DCAF6: variants seen among roughly 807,000 people sequenced by gnomAD.
The protein encoded by DCAF6 is DDB1 and CUL4 associated factor 6.
Under a neutral mutation model 125.1 loss-of-function variants are expected in DCAF6, and 54 were observed. The observed-to-expected ratio is 0.43, with a 90% CI of 0.35 to 0.54. DCAF6 has a LOEUF of 0.54. Ranked by LOEUF, DCAF6 falls within the 20% of genes least tolerant of loss-of-function variation. The pLI is 0.01. For synonymous variants in DCAF6, 371 were observed against 390.4 expected (o/e 0.95, Z 0.58); for missense variants, 934 against 1,161.7 (o/e 0.80, Z 2.85).
chr1:167,883,641 G>A, the DCAF6 span: 14 of 1,613,974 alleles, frequency 8.7e-6, no homozygotes, highest in South Asian at 1.5e-4. Flanking sequence ...GCAAAGTAGA[G>A]AGCAGCTTTC....
At chr1:167,869,796 G>A in the DCAF6 span, among the ~76,000 whole-genome samples, 3 of 151,922 alleles carry the variant, frequency 2.0e-5, no homozygotes, top group Non-Finnish European at 2.9e-5. Flanking sequence ...GCACCTTGAC[G>A]AGCTCGGATT....
At chr1:167,894,409 G>C in the DCAF6 span, among the ~76,000 whole-genome samples, 1 of 152,110 alleles carries the variant, frequency 6.6e-6, no homozygotes, top group East Asian at 1.9e-4. Context: ...TCACTTTGCT[G>C]CCCTGGTTGC....
At chr1:167,885,365 AC>A in the DCAF6 span, among the ~76,000 whole-genome samples, 1 of 152,158 alleles carries the variant, frequency 6.6e-6, no homozygotes, top group Non-Finnish European at 1.5e-5. Flanking sequence ...GAACTTTCAA[AC>A]TGTTCTCCAA....
At position 168,011,327 on chromosome 1, in the gene DCAF6, A is replaced by G. The variant is rs113822420; in HGVS notation, c.1379-4454A>G. On this transcript the variant is annotated intron_variant, in intron 10 of 21. Transcript: ENST00000367840. ...GAGATGGGATTTCACCATGTTGGCCAGGATGGTCTTGATCTCCTGAGCTCG... is the reference window on the plus strand; with the variant it reads ...GAGATGGGATTTCACCATGTTGGCCGGGATGGTCTTGATCTCCTGAGCTCG... 5.7e-3 allele frequency among the ~76,000 whole-genome samples: 862 copies of G among 152,146 alleles called. 6 individuals are homozygous for G. The highest frequency in any genetic ancestry group is 0.02 in the African/African-American group (816 of 41,518).
the DCAF6 span, among the ~76,000 whole-genome samples, chr1:167,898,705 G>A: frequency 6.6e-6 from 1 of 152,126 alleles, no homozygotes; most frequent in Non-Finnish European, 1.5e-5. Flanking sequence ...TGAGGAGTGG[G>A]TGGTGGTGGT....
chr1:167,978,044 ATCT>A (rs1329049344), intron 4 of DCAF6, among the ~76,000 whole-genome samples: 5 of 152,186 alleles, frequency 3.3e-5, no homozygotes, highest in Non-Finnish European at 7.3e-5. Flanking sequence ...GCTGAGCAAA[ATCT>A]TAACTCATTT....
intron 12 of DCAF6, among the ~76,000 whole-genome samples, chr1:168,030,333 G>A (rs1290867829): frequency 6.6e-6 from 1 of 152,204 alleles, no homozygotes; most frequent in Non-Finnish European, 1.5e-5. Context: ...ATAGCATATT[G>A]CAGAGCCTCT....
chr1:168,030,737 TAGC>T (rs1215483693), intron 12 of DCAF6, among the ~76,000 whole-genome samples: 2 of 152,344 alleles, frequency 1.3e-5, no homozygotes, highest in Non-Finnish European at 2.9e-5. Flanking sequence ...TAGTAATAAA[TAGC>T]AGTCTGCAGA....
chr1:167,977,262 T>C (rs175752), intron 4 of DCAF6, among the ~76,000 whole-genome samples: 2 of 151,474 alleles, frequency 1.3e-5, no homozygotes, highest in Non-Finnish European at 2.9e-5. Context: ...AATTTCAGTT[T>C]CCTTTTCTTT....
chr1:167,884,822 A>C, the DCAF6 span, among the ~76,000 whole-genome samples: 28 of 149,450 alleles, frequency 1.9e-4, no homozygotes, highest in Non-Finnish European at 2.5e-4. Context: ...CTCAGCTTCC[A>C]GAGTAGCTGG....
chr1:167,935,660 G>A (rs553528994), upstream of DCAF6: 1,647 of 1,264,232 alleles, frequency 1.3e-3, 3 homozygotes, highest in South Asian at 4.7e-3. Context: ...AGTTGTCAGA[G>A]GGCCTCTAAA....
intron 5 of DCAF6, among the ~76,000 whole-genome samples, chr1:167,989,012 G>GGAGGTTGCAGTGAGCC (rs1680427617): frequency 6.6e-6 from 1 of 151,318 alleles, no homozygotes. Context: ...CCTGGGAGGC[G>GGAGGTTGCAGTGAGCC]GAGGTTGCAG....
chr1:168,048,269 G>A (rs1689390235), intron 16 of DCAF6, among the ~76,000 whole-genome samples: 1 of 152,124 alleles, frequency 6.6e-6, no homozygotes, highest in South Asian at 2.1e-4. Context: ...CATTTGCAAA[G>A]CCCAGTCAAT....
intron 1 of DCAF6, among the ~76,000 whole-genome samples, chr1:167,946,504 G>A (rs940699834): frequency 4.6e-5 from 7 of 152,054 alleles, no homozygotes; most frequent in Non-Finnish European, 1.5e-5. Flanking sequence ...TTAGTTACAG[G>A]TTTATCATAT....
the DCAF6 span, chr1:167,901,912 C>T: frequency 6.2e-7 from 1 of 1,606,594 alleles, no homozygotes; most frequent in East Asian, 2.2e-5. Context: ...CAGCCTATCT[C>T]CTGGCCACTC....
chr1:167,932,240 G>A (rs180816013), upstream of DCAF6, among the ~76,000 whole-genome samples: 66 of 152,016 alleles, frequency 4.3e-4, no homozygotes, highest in African/African-American at 1.5e-3. Flanking sequence ...AACAATTTGA[G>A]TATACATCCT....
chr1:168,037,022 G>A (rs1019162141), intron 12 of DCAF6, among the ~76,000 whole-genome samples: 1 of 151,792 alleles, frequency 6.6e-6, no homozygotes, highest in South Asian at 2.1e-4. Context: ...CTTTTCTACT[G>A]CATTTCTGTA....
chr1:167,874,525 C>T, the DCAF6 span, among the ~76,000 whole-genome samples: 1 of 152,052 alleles, frequency 6.6e-6, no homozygotes, highest in African/African-American at 2.4e-5. Context: ...TCTTAACATT[C>T]TCAGTCAGAA....
At chr1:168,060,226 G>A (rs1203231656) in intron 17 of DCAF6, among the ~76,000 whole-genome samples, 2 of 151,982 alleles carry the variant, frequency 1.3e-5, no homozygotes, top group Non-Finnish European at 2.9e-5. Context: ...TGTTACCCAG[G>A]CTGGAATACA....
Sources: gnomAD v4.1 joint callset for allele counts (sites outside exome capture counted in the v4.1 genomes callset) on GRCh38, gnomAD v4.1.1 for gene constraint, MANE v1.5 for transcripts, NCBI Gene and HGNC (gene_info 2026-07-23, HGNC 2026-07-21) for gene names.